TAB2: variants seen among roughly 807,000 people sequenced by gnomAD.
TAB2 encodes the protein TGF-beta activated kinase 1 (MAP3K7) binding protein 2.
A neutral mutation model predicts 65.0 loss-of-function variants in TAB2; 3 were observed. The observed-to-expected ratio is 0.05, with a 90% CI of 0.02 to 0.12. The LOEUF (loss-of-function observed/expected upper bound fraction) is 0.12, where lower values mean the gene tolerates loss of function less well. TAB2 is among the 10% of genes least tolerant of loss of function. TAB2 has a pLI of 1.00. For synonymous variants in TAB2, 298 were observed against 285.1 expected, an observed-to-expected ratio of 1.05 and a Z score of -0.46; for missense variants, 623 against 840.3, an observed-to-expected ratio of 0.74 and a Z score of 3.20.
At chr6:149,336,107 T>G (rs1057417062) in intron 1 of TAB2, among the ~76,000 whole-genome samples, 2 of 152,150 alleles carry the variant, frequency 1.3e-5, no homozygotes, top group African/African-American at 4.8e-5. Context: ...GGCACTAAGT[T>G]GCTATATGAG....
At chr6:149,296,514 A>G (rs1778879419) in intron 1 of TAB2, among the ~76,000 whole-genome samples, 1 of 152,166 alleles carries the variant, frequency 6.6e-6, no homozygotes, top group Non-Finnish European at 1.5e-5. Flanking sequence ...TCAATATTTC[A>G]AGAAATGTTT....
At chr6:149,252,762 C>T (rs1322391283) in intron 1 of TAB2, among the ~76,000 whole-genome samples, 4 of 152,180 alleles carry the variant, frequency 2.6e-5, no homozygotes, top group African/African-American at 9.7e-5. Context: ...ACTCACCAGA[C>T]AGAATATATT....
intron 1 of TAB2, among the ~76,000 whole-genome samples, chr6:149,242,518 T>C (rs1422245193): frequency 2.6e-5 from 4 of 152,210 alleles, no homozygotes; most frequent in African/African-American, 7.2e-5. Flanking sequence ...TGAAAGAATA[T>C]TGAAGACTTC....
chr6:149,283,365 C>G (rs1044534012), intron 1 of TAB2, among the ~76,000 whole-genome samples: 2 of 152,136 alleles, frequency 1.3e-5, no homozygotes, highest in Non-Finnish European at 2.9e-5. Flanking sequence ...ATACCTATAA[C>G]TAATAAATCA....
upstream of TAB2, among the ~76,000 whole-genome samples, chr6:149,317,102 C>T (rs1187425700): frequency 6.6e-6 from 1 of 151,234 alleles, no homozygotes; most frequent in Non-Finnish European, 1.5e-5. This position sits in a 1 kb window ranked among gnomAD's most constrained non-coding sequence, Gnocchi z 4.7. Context: ...AGTCCCGCCA[C>T]CCACTTCCGG....
chr6:149,293,670 T>C (rs1318206473), intron 1 of TAB2, among the ~76,000 whole-genome samples: 1 of 152,240 alleles, frequency 6.6e-6, no homozygotes, highest in African/African-American at 2.4e-5. Flanking sequence ...TTAGCATTCA[T>C]GTTAACTCTT....
At chr6:149,379,615 A>G (rs1737815254) in intron 3 of TAB2, 97 bp downstream of exon 3, 10 of 1,155,446 alleles carry the variant, frequency 8.7e-6, no homozygotes, top group Admixed American at 1.7e-5. Flanking sequence ...TTGTTATTTC[A>G]TTGTTTAAAT....
chr6:149,239,547 T>A (rs1562383715), intron 1 of TAB2, among the ~76,000 whole-genome samples: 1 of 152,278 alleles, frequency 6.6e-6, no homozygotes, highest in East Asian at 1.9e-4. Context: ...TTTGACATGG[T>A]GTTGGGATAT....
At chr6:149,313,377 C>T (rs1779197933), upstream of TAB2, among the ~76,000 whole-genome samples, 1 of 152,102 alleles carries the variant, frequency 6.6e-6, no homozygotes, top group South Asian at 2.1e-4. Context: ...GATTTCTGTA[C>T]AATACATGGC....
At chr6:149,315,634 G>A (rs1426035054), upstream of TAB2, among the ~76,000 whole-genome samples, 3 of 152,124 alleles carry the variant, frequency 2.0e-5, no homozygotes, top group Non-Finnish European at 2.9e-5. Flanking sequence ...CCAGTTCAGG[G>A]TCACATATTG....
chr6:149,381,886 T>C (rs925350003), intron 3 of TAB2, among the ~76,000 whole-genome samples: 1 of 152,014 alleles, frequency 6.6e-6, no homozygotes, highest in Admixed American at 6.6e-5. Flanking sequence ...ACTTCTTACT[T>C]CCCCCATCAT....
At chr6:149,362,695 C>G (rs756685880) in intron 1 of TAB2, among the ~76,000 whole-genome samples, 12 of 152,132 alleles carry the variant, frequency 7.9e-5, no homozygotes, top group Non-Finnish European at 1.5e-4. Context: ...AGAAAACTAT[C>G]CCATCTGGCT....
chr6:149,408,817 T>C (rs1291597226), intron 6 of TAB2, among the ~76,000 whole-genome samples: 1 of 152,150 alleles, frequency 6.6e-6, no homozygotes, highest in Non-Finnish European at 1.5e-5. Flanking sequence ...TTCTAGAACA[T>C]TGGTCTCTTA....
At chr6:149,226,405 A>G (rs1321309676) in intron 1 of TAB2, among the ~76,000 whole-genome samples, 1 of 152,196 alleles carries the variant, frequency 6.6e-6, no homozygotes, top group Non-Finnish European at 1.5e-5. Context: ...CATAAAAACC[A>G]TTAACTGGCA....
At chr6:149,363,826 T>C (rs2114840910) in intron 1 of TAB2, among the ~76,000 whole-genome samples, 1 of 152,242 alleles carries the variant, frequency 6.6e-6, no homozygotes, top group Middle Eastern at 3.4e-3. Flanking sequence ...CTGTATGATA[T>C]CTCTATTTGG....
At chr6:149,258,767 C>T (rs1230598368) in intron 1 of TAB2, among the ~76,000 whole-genome samples, 2 of 152,150 alleles carry the variant, frequency 1.3e-5, no homozygotes, top group African/African-American at 4.8e-5. Flanking sequence ...ATCACCAGAA[C>T]GTGTGAATAC....
At chr6:149,236,008 A>G (rs1777488024) in intron 1 of TAB2, among the ~76,000 whole-genome samples, 1 of 152,226 alleles carries the variant, frequency 6.6e-6, no homozygotes, top group African/African-American at 2.4e-5. Context: ...GTGAAAAATG[A>G]CCATGACACA....
chr6:149,273,980 G>C (rs1313530825), intron 1 of TAB2, among the ~76,000 whole-genome samples: 2 of 152,218 alleles, frequency 1.3e-5, no homozygotes, highest in Non-Finnish European at 2.9e-5. Flanking sequence ...AAGAAGACTG[G>C]ACAGATGGTA....
chr6:149,408,928 A>C (rs560694936), intron 6 of TAB2, among the ~76,000 whole-genome samples: 1 of 152,238 alleles, frequency 6.6e-6, no homozygotes, highest in Non-Finnish European at 1.5e-5. Context: ...AATTAGTAGC[A>C]GAGCCTGGAA....
Sources: gnomAD v4.1 joint callset for allele counts (sites outside exome capture counted in the v4.1 genomes callset) on GRCh38, gnomAD v4.1.1 for gene constraint, Gnocchi (gnomAD v3.1) non-coding constraint, MANE v1.5 for transcripts, NCBI Gene and HGNC (gene_info 2026-07-23, HGNC 2026-07-21) for gene names.